UIMC1: variants seen among roughly 807,000 people sequenced by gnomAD.
UIMC1 encodes BRCA1-A complex subunit RAP80.
Under a neutral mutation model 84.9 loss-of-function variants are expected in UIMC1, and 42 were observed. That is an observed-to-expected ratio of 0.49 (90% confidence interval 0.39 to 0.64). The LOEUF is 0.64. Among genes scored for constraint, UIMC1 ranks in the 30% least tolerant of loss-of-function variants. UIMC1 has a pLI of 0.00. For synonymous variants in UIMC1, 281 were observed against 293.0 expected (o/e 0.96, Z 0.42); for missense variants, 825 against 847.6 (o/e 0.97, Z 0.33).
intron 9 of UIMC1, among the ~76,000 whole-genome samples, chr5:176,945,350 C>T (rs1764943879): frequency 6.6e-6 from 1 of 152,182 alleles, no homozygotes; most frequent in Non-Finnish European, 1.5e-5. Context: ...TGGCTCACAT[C>T]TGTAATCCCA....
At chr5:176,969,416 AT>A in intron 5 of UIMC1, 125 bp from the exon 6 acceptor site, 1 of 1,423,578 alleles carries the variant, frequency 7.0e-7, no homozygotes, top group Non-Finnish European at 9.5e-7. Context: ...GTTTAACCAA[AT>A]GTTGGTTTTT....
intron 10 of UIMC1, among the ~76,000 whole-genome samples, chr5:176,940,959 G>T (rs1216414192): frequency 6.6e-6 from 1 of 152,182 alleles, no homozygotes; most frequent in Non-Finnish European, 1.5e-5. Flanking sequence ...AGTAACAGAG[G>T]TGGGACTCAA....
At chr5:177,017,671 C>CTT (rs570344600) in intron 1 of UIMC1, among the ~76,000 whole-genome samples, 12,674 of 138,074 alleles carry the variant, frequency 0.092, 1,254 homozygotes, top group African/African-American at 0.24. Context: ...CACGCTGGCC[C>CTT]TTTTTTTTTT....
At chr5:176,947,857 G>C (rs558239303) in intron 9 of UIMC1, among the ~76,000 whole-genome samples, 2 of 151,468 alleles carry the variant, frequency 1.3e-5, no homozygotes, top group East Asian at 3.9e-4. Context: ...TTTCAAAAGA[G>C]GTACTTAGAT....
upstream of UIMC1, among the ~76,000 whole-genome samples, chr5:177,009,511 T>G (rs757773894): frequency 2.6e-5 from 4 of 152,156 alleles, no homozygotes; most frequent in Non-Finnish European, 5.9e-5. This position sits in a 1 kb window ranked among gnomAD's most constrained non-coding sequence, Gnocchi z 4.3. Context: ...ATGAGTCATG[T>G]TTTTCTGTTA....
intron 1 of UIMC1, among the ~76,000 whole-genome samples, chr5:176,992,323 G>C (rs1233016076): frequency 1.3e-5 from 2 of 152,038 alleles, no homozygotes; most frequent in African/African-American, 4.8e-5. Flanking sequence ...ACCCAAAAGA[G>C]TGTAGAACTA....
chr5:176,928,762 T>G (rs1417998844), intron 10 of UIMC1, among the ~76,000 whole-genome samples: 1 of 151,396 alleles, frequency 6.6e-6, no homozygotes, highest in Non-Finnish European at 1.5e-5. Flanking sequence ...CCATCCTGGC[T>G]AACATGGTGA....
intron 2 of UIMC1, 96 bp from the exon 3 acceptor site, chr5:176,975,576 G>A: frequency 8.8e-7 from 1 of 1,140,626 alleles, no homozygotes; most frequent in South Asian, 1.3e-5. Flanking sequence ...AGGCCTCTGA[G>A]GAATTGGTGA....
intron 7 of UIMC1, among the ~76,000 whole-genome samples, chr5:176,956,978 T>A (rs1412474297): frequency 2.0e-5 from 3 of 152,158 alleles, no homozygotes; most frequent in African/African-American, 7.2e-5. Flanking sequence ...AACAATTTTC[T>A]GACATTTATA....
At chr5:176,950,101 T>TA (rs1765666340) in intron 9 of UIMC1, among the ~76,000 whole-genome samples, 1 of 100,668 alleles carries the variant, frequency 9.9e-6, no homozygotes, top group East Asian at 2.2e-4. Context: ...GGAACCTTTC[T>TA]TTTTTTTTTT....
At chr5:177,003,065 T>C (rs552009300) in intron 1 of UIMC1, among the ~76,000 whole-genome samples, 1 of 152,230 alleles carries the variant, frequency 6.6e-6, no homozygotes, top group African/African-American at 2.4e-5. Context: ...ATATTTAAAT[T>C]ATTAAATGCT....
Position 176,905,512 on chromosome 5 carries a change from T to A in UIMC1, c.1950-20A>T, listed in dbSNP as rs1196034593. The A allele has an allele frequency of 5.6e-6, 9 of 1,610,476 alleles. No homozygotes were observed. Among genetic ancestry groups the A allele is most frequent in the South Asian group, 1.1e-5 (1 of 90,898 alleles). ...GGCACCCTAGAGAGAAGGAAAAAAA[T>A]TCAGATTCAATATACACCTACTAAG... On this transcript the variant is annotated intron_variant, in intron 14 of 14. Coordinates refer to ENST00000511320, the MANE Select transcript of UIMC1 (RefSeq NM_001199298.2).
At chr5:176,938,281 C>G (rs73804284) in intron 10 of UIMC1, among the ~76,000 whole-genome samples, 1 of 140,012 alleles carries the variant, frequency 7.1e-6, no homozygotes, top group Non-Finnish European at 1.6e-5. Context: ...GATTTTAAAA[C>G]TAGGTTGGGA....
intron 2 of UIMC1, among the ~76,000 whole-genome samples, chr5:176,975,832 A>C (rs1769974619): frequency 6.6e-6 from 1 of 152,224 alleles, no homozygotes; most frequent in South Asian, 2.1e-4. Context: ...GCGTGTATTC[A>C]TTTATTTTAA....
At chr5:177,004,746 G>A (rs1305680291) in intron 1 of UIMC1, among the ~76,000 whole-genome samples, 1 of 152,102 alleles carries the variant, frequency 6.6e-6, no homozygotes, top group Admixed American at 6.6e-5. Context: ...CACATCCATC[G>A]TCTTGATCTA....
chr5:176,936,523 C>T (rs182703882), intron 10 of UIMC1, among the ~76,000 whole-genome samples: 1 of 152,302 alleles, frequency 6.6e-6, no homozygotes, highest in African/African-American at 2.4e-5. Flanking sequence ...GCTCAAGTCC[C>T]TCCAGTGGTT....
intron 1 of UIMC1, among the ~76,000 whole-genome samples, chr5:176,998,485 A>AAAC (rs1773966401): frequency 6.6e-6 from 1 of 150,390 alleles, no homozygotes; most frequent in African/African-American, 2.4e-5. Flanking sequence ...AAAAAAAAAA[A>AAAC]GTCTGGGTAC....
chr5:177,002,058 G>A (rs1331249752), intron 1 of UIMC1: 1 of 151,374 alleles, frequency 6.6e-6, no homozygotes, highest in African/African-American at 2.4e-5. Context: ...AGAAGGGAGA[G>A]GTTGCAGTGA....
chr5:176,969,412 C>T, intron 5 of UIMC1, 121 bp from the exon 6 acceptor site: 3 of 1,437,790 alleles, frequency 2.1e-6, no homozygotes, highest in Non-Finnish European at 2.8e-6. Flanking sequence ...TTGGGTTTAA[C>T]CAAATGTTGG....
Sources: gnomAD v4.1 joint callset for allele counts (sites outside exome capture counted in the v4.1 genomes callset) on GRCh38, gnomAD v4.1.1 for gene constraint, Gnocchi (gnomAD v3.1) non-coding constraint, MANE v1.5 for transcripts, NCBI Gene and HGNC (gene_info 2026-07-23, HGNC 2026-07-21) for gene names.